GPR39: variants seen among roughly 807,000 people sequenced by gnomAD.
The protein encoded by GPR39 is G protein-coupled receptor 39.
In GPR39, 23 loss-of-function variants were observed where a neutral mutation model predicts 18.4. The observed-to-expected ratio is 1.25, with a 90% CI of 0.90 to 1.77. The LOEUF is 1.77. Among genes scored for constraint, GPR39 ranks in the 40% most tolerant of loss-of-function variants. GPR39 has a pLI of 0.00. For missense variants in GPR39, 647 were observed against 602.4 expected (o/e 1.07, Z -0.78); for synonymous variants, 280 against 257.9 (o/e 1.09, Z -0.82).
intron 1 of GPR39, among the ~76,000 whole-genome samples, chr2:132,487,471 C>T (rs1223953330): frequency 6.6e-6 from 1 of 152,144 alleles, no homozygotes; most frequent in Non-Finnish European, 1.5e-5. Context: ...TAAACCAAAG[C>T]ATTCCTGTGT....
intron 1 of GPR39, among the ~76,000 whole-genome samples, chr2:132,423,863 T>G (rs1680065643): frequency 6.6e-6 from 1 of 152,194 alleles, no homozygotes; most frequent in East Asian, 1.9e-4. Context: ...CTAGACATAG[T>G]AGGTAATGAA....
chr2:132,529,249 C>T (rs1319399632), intron 1 of GPR39, among the ~76,000 whole-genome samples: 1 of 152,240 alleles, frequency 6.6e-6, no homozygotes, highest in Non-Finnish European at 1.5e-5. Flanking sequence ...TGTAGCCTCG[C>T]TCATTGCTAG....
At chr2:132,572,433 C>T (rs1044099084) in intron 1 of GPR39, among the ~76,000 whole-genome samples, 3 of 152,010 alleles carry the variant, frequency 2.0e-5, no homozygotes, top group Non-Finnish European at 2.9e-5. Flanking sequence ...TTCCCATCCC[C>T]AGTCCCAACT....
chr2:132,630,754 G>T (rs1352473979), intron 1 of GPR39, among the ~76,000 whole-genome samples: 1 of 152,164 alleles, frequency 6.6e-6, no homozygotes, highest in Non-Finnish European at 1.5e-5. Flanking sequence ...TAACTGGCAA[G>T]CTTAGGGATC....
At chr2:132,493,505 C>CATATAT (rs5834316) in intron 1 of GPR39, among the ~76,000 whole-genome samples, 4 of 130,570 alleles carry the variant, frequency 3.1e-5, no homozygotes, top group African/African-American at 1.0e-4. Context: ...ATATATACAC[C>CATATAT]ATATATATAT....
chr2:132,447,570 T>C (rs929644921), intron 1 of GPR39, among the ~76,000 whole-genome samples: 1 of 152,168 alleles, frequency 6.6e-6, no homozygotes, highest in Non-Finnish European at 1.5e-5. Flanking sequence ...AACAATTAAC[T>C]GAACATGTGT....
At chr2:132,455,592 T>C (rs189206082) in intron 1 of GPR39, among the ~76,000 whole-genome samples, 2 of 152,376 alleles carry the variant, frequency 1.3e-5, no homozygotes, top group Admixed American at 6.5e-5. Flanking sequence ...ATTTTCGATC[T>C]TTCCTGCTTT....
intron 1 of GPR39, among the ~76,000 whole-genome samples, chr2:132,431,922 C>T (rs1680230392): frequency 6.6e-6 from 1 of 152,202 alleles, no homozygotes; most frequent in African/African-American, 2.4e-5. Flanking sequence ...TTCTCTGGGC[C>T]AAAATCAAGG....
At chr2:132,452,641 C>A (rs958513847) in intron 1 of GPR39, among the ~76,000 whole-genome samples, 1 of 151,788 alleles carries the variant, frequency 6.6e-6, no homozygotes, top group Non-Finnish European at 1.5e-5. Context: ...CCCCACCCCC[C>A]AATAGGCCCC....
chr2:132,433,416 G>C (rs765954877), intron 1 of GPR39, among the ~76,000 whole-genome samples: 2 of 151,956 alleles, frequency 1.3e-5, no homozygotes, highest in Non-Finnish European at 2.9e-5. Context: ...TGAGCAGTTT[G>C]TCTCTCCAGT....
intron 1 of GPR39, among the ~76,000 whole-genome samples, chr2:132,467,190 G>A (rs1032078016): frequency 3.3e-5 from 5 of 152,304 alleles, no homozygotes; most frequent in Middle Eastern, 3.4e-3. Context: ...CTACAGGCAG[G>A]TGTTGAGCAT....
intron 1 of GPR39, among the ~76,000 whole-genome samples, chr2:132,464,923 A>C (rs1680900444): frequency 6.6e-6 from 1 of 152,170 alleles, no homozygotes; most frequent in Non-Finnish European, 1.5e-5. Flanking sequence ...AATACCAGAA[A>C]ATTACCTTGA....
At chr2:132,584,584 C>G (rs1359880960) in intron 1 of GPR39, among the ~76,000 whole-genome samples, 1 of 151,310 alleles carries the variant, frequency 6.6e-6, no homozygotes, top group Admixed American at 6.6e-5. Flanking sequence ...AAGGTTCTGT[C>G]TGAAAGGGAG....
At chr2:132,527,670 T>C (rs1313665953) in intron 1 of GPR39, among the ~76,000 whole-genome samples, 1 of 152,240 alleles carries the variant, frequency 6.6e-6, no homozygotes, top group Non-Finnish European at 1.5e-5. Flanking sequence ...GTGGTTTTGA[T>C]TTGCATTTCT....
At chr2:132,427,074 CTA>C (rs1281669559) in intron 1 of GPR39, among the ~76,000 whole-genome samples, 1 of 114,814 alleles carries the variant, frequency 8.7e-6, no homozygotes, top group African/African-American at 3.3e-5. Flanking sequence ...ATATATGTAC[CTA>C]TATATATAAT....
At chr2:132,554,485 G>A (rs1171284043) in intron 1 of GPR39, among the ~76,000 whole-genome samples, 1 of 152,154 alleles carries the variant, frequency 6.6e-6, no homozygotes, top group African/African-American at 2.4e-5. Flanking sequence ...AATGAATGAG[G>A]GGATTTATGT....
chr2:132,641,677 C>T (rs544498110), intron 1 of GPR39, among the ~76,000 whole-genome samples: 5 of 152,198 alleles, frequency 3.3e-5, no homozygotes, highest in Non-Finnish European at 5.9e-5. Flanking sequence ...GGGAGTGTAT[C>T]GGATTAAACA....
intron 1 of GPR39, among the ~76,000 whole-genome samples, chr2:132,503,748 C>G (rs1297787645): frequency 6.6e-6 from 1 of 152,142 alleles, no homozygotes; most frequent in East Asian, 1.9e-4. Context: ...CTGAGCTTAG[C>G]CCCTCCCAGG....
chr2:132,430,143 T>G (rs1680198557), intron 1 of GPR39, among the ~76,000 whole-genome samples: 1 of 152,192 alleles, frequency 6.6e-6, no homozygotes, highest in Non-Finnish European at 1.5e-5. Flanking sequence ...TGATCATGGG[T>G]TCTGATGACG....
Sources: allele counts gnomAD v4.1 joint callset (sites outside exome capture counted in the v4.1 genomes callset), GRCh38; gene constraint gnomAD v4.1.1; transcripts MANE v1.5; gene names NCBI Gene and HGNC (gene_info 2026-07-23, HGNC 2026-07-21).